UGT2B28: variants seen among roughly 807,000 people sequenced by gnomAD.
The protein encoded by UGT2B28 is UDP-glucuronosyltransferase 2B28.
Under a neutral mutation model 43.6 loss-of-function variants are expected in UGT2B28, and 45 were observed. That is an observed-to-expected ratio of 1.03 (90% confidence interval 0.81 to 1.32). UGT2B28 has a LOEUF of 1.32. UGT2B28 is among the 40% of genes most tolerant of loss of function. UGT2B28 has a pLI of 0.00. For synonymous variants in UGT2B28, 204 were observed against 208.1 expected, an observed-to-expected ratio of 0.98 and a Z score of 0.17; for missense variants, 649 against 625.5, an observed-to-expected ratio of 1.04 and a Z score of -0.40.
At position 69,282,956 on chromosome 4, in the gene UGT2B28, T is replaced by C. The variant is rs1222464422; in HGVS notation, c.870+294T>C. The stretch of plus-strand genomic sequence containing the variant: ...TTGTCATTCATTCAAAGAATATTTA[T>C]AAAGGGATTAGCACAAAACACAAGT... On this transcript the variant is annotated intron_variant, in intron 2 of 5. Transcript: ENST00000335568. Among the ~76,000 whole-genome samples, 5 of 140,220 alleles carry C rather than the reference T, an allele frequency of 3.6e-5. 1 individual carries two copies. The highest frequency in any genetic ancestry group is 1.4e-4 in the African/African-American group (5 of 35,886). The allele number at this position is 140,220 out of a possible 152,430, so 92.0% of individuals were successfully genotyped here.
At chr4:69,282,399 C>T in intron 1 of UGT2B28, 115 bp from the exon 2 acceptor site, 1 of 1,090,570 alleles carries the variant, frequency 9.2e-7, no homozygotes, top group Non-Finnish European at 1.2e-6. Flanking sequence ...ATATATTTTT[C>T]AAAGCACACA....
At position 69,293,645 on chromosome 4, in the gene UGT2B28, A is replaced by G. The variant is rs554614136; in HGVS notation, c.1311-885A>G. 9.7e-4 allele frequency among the ~76,000 whole-genome samples: 135 copies of G among 139,764 alleles called. 27 individuals carry two copies. The highest frequency in any genetic ancestry group is 3.6e-3 in the African/African-American group (128 of 35,770). The allele number at this position is 139,764 out of a possible 152,430, so 91.7% of individuals were successfully genotyped here. ...AGTACTCCAAGAGCAGGAGAGAAGG[A>G]ACAAAATGTGTAAAGTGCTAAGATG... On this transcript the variant is annotated intron_variant, in intron 5 of 5. Coordinates refer to ENST00000335568, the MANE Select transcript of UGT2B28 (RefSeq NM_053039.2).
intron 2 of UGT2B28, among the ~76,000 whole-genome samples, chr4:69,283,462 A>G (rs1233336434): frequency 7.1e-6 from 1 of 140,450 alleles, no homozygotes; most frequent in Non-Finnish European, 1.5e-5. Flanking sequence ...ATTAAATTAC[A>G]GAAGGGCCAC....
rs1425456169 is a variant in UGT2B28 at position 69,282,221 on chromosome 4, G to A, written c.722-293G>A. On this transcript the variant is annotated intron_variant, in intron 1 of 5. Transcript: ENST00000335568. Reference sequence around the variant, plus strand: ...TGAAGCTTTAAAGAGAAAATAAATTGATGTTTAATTTTCTATGACTTATTT... The same window carrying A: ...TGAAGCTTTAAAGAGAAAATAAATTAATGTTTAATTTTCTATGACTTATTT... Among the ~76,000 whole-genome samples the A allele has an allele frequency of 5.7e-5, 8 of 139,592 alleles. 3 individuals carry two copies. Among genetic ancestry groups the A allele is most frequent in the African/African-American group, 2.2e-4 (8 of 35,762 alleles). The allele number at this position is 139,592 out of a possible 152,430, so 91.6% of individuals were successfully genotyped here. A position where few individuals can be genotyped will look rare whatever the true frequency, so the allele number is the denominator to read the frequency against.
chr4:69,292,172 T>G (rs1254549686), intron 5 of UGT2B28, among the ~76,000 whole-genome samples: 1 of 140,732 alleles, frequency 7.1e-6, no homozygotes, highest in Non-Finnish European at 1.5e-5. Context: ...TTTTACTTTT[T>G]GATGATGGTC....
Position 69,290,758 on chromosome 4 carries a change from A to G in UGT2B28, c.1257A>G (p.Thr419=), listed in dbSNP as rs1577996917. 6.4e-7 allele frequency: 1 copy of G among 1,559,714 alleles called. No individual in the cohort carries two copies. Among genetic ancestry groups the G allele is most frequent in the South Asian group, 1.2e-5 (1 of 84,396 alleles). Reference sequence around the variant, plus strand: ...CAGCTGTTAGACTGGACTTCCACACAATGTCGAGTACAGACCTGCTGAATG... The same window carrying G: ...CAGCTGTTAGACTGGACTTCCACACGATGTCGAGTACAGACCTGCTGAATG... ...KGAAVRLDFH[T]MSSTDLLNAL... is the part of the protein sequence containing the mutation. Residue 419 remains threonine (T), a synonymous_variant, in exon 5 of 6, where the codon ACA becomes ACG. Transcript: ENST00000335568.
chr4:69,294,607 G>A lies in UGT2B28; in HGVS notation c.1388G>A (p.Trp463Ter). Residue 463 changes from tryptophan to a stop codon, truncating the protein, a stop_gained, in exon 6 of 6, where the codon TGG becomes TAG. Transcript: ENST00000335568. LOFTEE classifies it low-confidence loss of function (END_TRUNC). Reference protein sequence around the residue: ...PVKPLHRAVFWIEFVMCHKGA... With the variant: ...PVKPLHRAVF ...AAGCCCCTGCATCGAGCAGTCTTCTGGATTGAATTTGTGATGTGCCACAAA... is the reference window on the plus strand; with the variant it reads ...AAGCCCCTGCATCGAGCAGTCTTCTAGATTGAATTTGTGATGTGCCACAAA... 6.4e-7 allele frequency: 1 copy of A among 1,555,196 alleles called. No homozygotes were observed. Among genetic ancestry groups the A allele is most frequent in the Non-Finnish European group, 8.7e-7 (1 of 1,152,586 alleles).
In UGT2B28 at chr4:69,290,707, C is replaced by T. The variant is rs777726321; in HGVS notation, c.1206C>T (p.Asn402=). 6 of 1,559,450 alleles carry T rather than the reference C, an allele frequency of 3.8e-6. No individual in the cohort carries two copies. Among genetic ancestry groups the T allele is most frequent in the South Asian group, 1.2e-5 (1 of 84,400 alleles). The part of the protein sequence containing the change: ...GIPLFWDQPD[N]IAHMKAKGAA... ...CATTGTTTTGGGATCAACCTGATAA[C>T]ATTGCTCACATGAAGGCCAAGGGAG... is the stretch of plus-strand genomic sequence containing the variant. Residue 402 remains asparagine, a synonymous_variant, in exon 5 of 6, where the codon AAC becomes AAT. Coordinates refer to ENST00000335568, the MANE Select transcript of UGT2B28 (RefSeq NM_053039.2).
In UGT2B28 at chr4:69,280,851, G is replaced by A. The variant is rs749347543; in HGVS notation, c.351G>A (p.Trp117Ter). 14 of 1,559,802 alleles carry A rather than the reference G, an allele frequency of 9.0e-6. 1 individual carries two copies. The highest frequency in any genetic ancestry group is 1.2e-5 in the Non-Finnish European group (14 of 1,155,632). ...TTTCACAAGAACAAGAAATCCTGTGGGAATTTCATGACATATTTAGAAACT... is the reference window on the plus strand; with the variant it reads ...TTTCACAAGAACAAGAAATCCTGTGAGAATTTCATGACATATTTAGAAACT... Reference protein sequence around the residue: ...LYFSQEQEILWEFHDIFRNFC... With the variant: ...LYFSQEQEIL The change falls in exon 1 of 6, where the codon TGG (tryptophan) becomes TGA (stop). Residue 117 changes from tryptophan to a stop codon, truncating the protein, a stop_gained. Transcript: ENST00000335568. LOFTEE classifies it high-confidence loss of function.
chr4:69,287,311 T>A lies in UGT2B28; in HGVS notation c.1002+428T>A, dbSNP rs576741874. On this transcript the variant is annotated intron_variant, in intron 3 of 5. Transcript: ENST00000335568. ...TCAACTAAAAATATATATCCAGAACTGCATCTTTGTAGAAATACAAGGAAG... is the reference window on the plus strand; with the variant it reads ...TCAACTAAAAATATATATCCAGAACAGCATCTTTGTAGAAATACAAGGAAG... Among the ~76,000 whole-genome samples the A allele has an allele frequency of 6.7e-4, 95 of 141,028 alleles. 21 individuals are homozygous for A. The highest frequency in any genetic ancestry group is 2.6e-3 in the African/African-American group (95 of 36,310). The allele number at this position is 141,028 out of a possible 152,430, so 92.5% of individuals were successfully genotyped here. A position where few individuals can be genotyped will look rare whatever the true frequency, so the allele number is the denominator to read the frequency against.
In UGT2B28 at chr4:69,286,472, C is replaced by G. The variant is rs562207349; in HGVS notation, c.871-280C>G. 5.5e-4 allele frequency among the ~76,000 whole-genome samples: 77 copies of G among 140,110 alleles called. 11 individuals are homozygous for G. The highest frequency in any genetic ancestry group is 2.1e-3 in the African/African-American group (76 of 35,802). The allele number at this position is 140,110 out of a possible 152,430, so 91.9% of individuals were successfully genotyped here. A position where few individuals can be genotyped will look rare whatever the true frequency, so the allele number is the denominator to read the frequency against. ...TGGGTATATTTTTTCACATTATCTC[C>G]CTGACTACAATGTAATAGCTCCATT... is the stretch of plus-strand genomic sequence containing the variant. On this transcript the variant is annotated intron_variant, in intron 2 of 5. Transcript: ENST00000335568.
intron 3 of UGT2B28, among the ~76,000 whole-genome samples, chr4:69,288,337 G>GTCAA (rs1026965131): frequency 7.2e-6 from 1 of 138,712 alleles, no homozygotes; most frequent in Non-Finnish European, 1.5e-5. Flanking sequence ...TTGCTATTTT[G>GTCAA]TCAATCAAAG....
rs750535612 is a variant in UGT2B28, at chr4:69,294,655, C to T, written c.1436C>T (p.Ala479Val). ...CHKGAKHLRV[A>V]ARDLTWFQYH... ...AAAGGAGCCAAACACCTTCGAGTTGCAGCCCGTGACCTCACCTGGTTCCAG... is the reference window on the plus strand; with the variant it reads ...AAAGGAGCCAAACACCTTCGAGTTGTAGCCCGTGACCTCACCTGGTTCCAG... The change falls in exon 6 of 6, where the codon GCA (alanine) becomes GTA (valine). Residue 479 changes from alanine to valine, a missense_variant. By Grantham distance (64) the Ala-to-Val change is moderately conservative (BLOSUM62 0). Transcript: ENST00000335568. 5.1e-6 allele frequency: 8 copies of T among 1,559,852 alleles called. 2 individuals are homozygous for T. The highest frequency in any genetic ancestry group is 1.5e-5 in the African/African-American group (1 of 66,186).
intron 2 of UGT2B28, among the ~76,000 whole-genome samples, chr4:69,284,212 C>G (rs1397170424): frequency 2.1e-5 from 3 of 139,752 alleles, no homozygotes; most frequent in Non-Finnish European, 4.6e-5. Context: ...TAATAAAGAA[C>G]AAATAATTTC....
chr4:69,284,904 A>G (rs1358274833), intron 2 of UGT2B28, among the ~76,000 whole-genome samples: 1 of 140,368 alleles, frequency 7.1e-6, no homozygotes, highest in African/African-American at 2.8e-5. Flanking sequence ...TTAATTTTAT[A>G]ATATATTCAC....
Position 69,286,092 on chromosome 4 carries a change from A to G in UGT2B28, c.871-660A>G, listed in dbSNP as rs1248085795. Among the ~76,000 whole-genome samples the G allele has an allele frequency of 1.6e-4, 22 of 141,660 alleles. 5 individuals are homozygous for G. The highest frequency in any genetic ancestry group is 6.0e-4 in the African/African-American group (22 of 36,412). 92.9% of individuals were successfully genotyped at this position (141,660 alleles called of 152,430 possible). On this transcript the variant is annotated intron_variant, in intron 2 of 5. Coordinates refer to ENST00000335568, the MANE Select transcript of UGT2B28 (RefSeq NM_053039.2). ...CTCAAGACTGAGTCATAAAAATTCC[A>G]AATCACAATACTAGACTCAGGAATG...
At position 69,282,458 on chromosome 4, in the gene UGT2B28, T is replaced by G; in HGVS notation, c.722-56T>G. 5.4e-6 allele frequency: 8 copies of G among 1,495,064 alleles called. 1 individual carries two copies. The East Asian group carries it at 1.4e-4, about 27-fold the overall frequency. The allele number at this position is 1,495,064 out of a possible 1,614,324, so 92.6% of individuals were successfully genotyped here. A position where few individuals can be genotyped will look rare whatever the true frequency, so the allele number is the denominator to read the frequency against. On this transcript the variant is annotated intron_variant, in intron 1 of 5. Transcript: ENST00000335568. ...CATAATTCTAACCCCTTTCAGAAAG[T>G]TATGTAAAGTAATTATCTTACATCA...
chr4:69,288,658 T>C lies in UGT2B28; in HGVS notation c.1003-1007T>C, dbSNP rs149040832. 0.021 allele frequency among the ~76,000 whole-genome samples: 2,902 copies of C among 139,816 alleles called. 564 individuals are homozygous for C. In the East Asian group the frequency reaches 0.22, roughly 10 times the overall value. The allele number at this position is 139,816 out of a possible 152,430, so 91.7% of individuals were successfully genotyped here. A position where few individuals can be genotyped will look rare whatever the true frequency, so the allele number is the denominator to read the frequency against. On this transcript the variant is annotated intron_variant, in intron 3 of 5. Coordinates refer to ENST00000335568, the MANE Select transcript of UGT2B28 (RefSeq NM_053039.2). ...TTTTTACATAGGTAAACTTGTGTCA[T>C]GGGGTTTTGTTGTACTAATTGTTTC...
rs917678971 is a variant in UGT2B28 at position 69,288,435 on chromosome 4, C to T, written c.1003-1230C>T. 1.1e-4 allele frequency among the ~76,000 whole-genome samples: 15 copies of T among 139,306 alleles called. 3 individuals carry two copies. The highest frequency in any genetic ancestry group is 1.7e-4 in the African/African-American group (6 of 35,762). The allele number at this position is 139,306 out of a possible 152,430, so 91.4% of individuals were successfully genotyped here. The stretch of plus-strand genomic sequence containing the variant: ...TATTCAAAAACAAATGAATATATTA[C>T]AATTAAATTTGGAGATGAAAACTGA... On this transcript the variant is annotated intron_variant, in intron 3 of 5. Coordinates refer to ENST00000335568, the MANE Select transcript of UGT2B28 (RefSeq NM_053039.2).
Sources: gnomAD v4.1 joint callset for allele counts (sites outside exome capture counted in the v4.1 genomes callset) on GRCh38, gnomAD v4.1.1 for gene constraint, MANE v1.5 for transcripts, NCBI Gene and HGNC (gene_info 2026-07-23, HGNC 2026-07-21) for gene names.